BBX: variants seen among roughly 807,000 people sequenced by gnomAD.
BBX encodes the protein HMG box transcription factor BBX.
In BBX, 30 loss-of-function variants were observed where a neutral mutation model predicts 100.2. The ratio of observed to expected loss-of-function variants is 0.30; its 90% CI spans 0.22 to 0.41. The LOEUF is 0.41. Ranked by LOEUF, BBX falls within the 10% of genes least tolerant of loss-of-function variation. The pLI is 1.00. For synonymous variants in BBX, 376 were observed against 388.1 expected (o/e 0.97, Z 0.37); for missense variants, 1,023 against 1,129.8 (o/e 0.91, Z 1.35).
rs144737171 is a variant in BBX, at chr3:107,637,371, C to T, written c.-83-8465C>T. The stretch of plus-strand genomic sequence containing the variant: ...GTTTTACCATACTTTTCCAACTGAA[C>T]GCTTCTGTAGAGGAACACAGGAAGA... On this transcript the variant is annotated intron_variant, in intron 2 of 17. Transcript: ENST00000325805. Among the ~76,000 whole-genome samples the T allele has an allele frequency of 8.6e-3, 1,305 of 152,276 alleles. 25 individuals are homozygous for T. Among genetic ancestry groups the T allele is most frequent in the African/African-American group, 0.03 (1,244 of 41,538 alleles).
At position 107,666,270 on chromosome 3, in the gene BBX, G is replaced by T. The variant is rs550487572; in HGVS notation, c.-10+20361G>T. Among the ~76,000 whole-genome samples, 23 of 152,278 alleles carry T rather than the reference G, an allele frequency of 1.5e-4. No individual in the cohort carries two copies. In the South Asian group the frequency reaches 4.6e-3, roughly 30 times the overall value. ...GCTATGTATTTGTTCTTTAACAAAG[G>T]TCAGGTATAGACTCTTCCTCACCTT... On this transcript the variant is annotated intron_variant, in intron 3 of 17. Coordinates refer to ENST00000325805, the MANE Select transcript of BBX (RefSeq NM_001142568.3).
chr3:107,705,989 C>G (rs1363226629), intron 3 of BBX, among the ~76,000 whole-genome samples: 2 of 149,758 alleles, frequency 1.3e-5, no homozygotes, highest in African/African-American at 4.9e-5. Context: ...GAAGTCTGAC[C>G]TCAGTAAACG....
intron 2 of BBX, among the ~76,000 whole-genome samples, chr3:107,613,767 A>G (rs2055029184): frequency 6.6e-6 from 1 of 152,108 alleles, no homozygotes; most frequent in Non-Finnish European, 1.5e-5. Flanking sequence ...GAGATTGCTT[A>G]TAGACCTATC....
intron 2 of BBX, among the ~76,000 whole-genome samples, chr3:107,565,906 G>C (rs1351986755): frequency 4.6e-5 from 7 of 151,750 alleles, no homozygotes; most frequent in Admixed American, 4.6e-4. Flanking sequence ...GGGCGCCGTG[G>C]CTCACACCTA....
chr3:107,625,752 T>C (rs1484617410), intron 2 of BBX, among the ~76,000 whole-genome samples: 3 of 152,234 alleles, frequency 2.0e-5, no homozygotes, highest in Non-Finnish European at 4.4e-5. Flanking sequence ...CTTCACCATA[T>C]AGGTGCCTTC....
intron 5 of BBX, among the ~76,000 whole-genome samples, chr3:107,724,357 T>C (rs1227137536): frequency 6.6e-6 from 1 of 152,166 alleles, no homozygotes; most frequent in African/African-American, 2.4e-5. Context: ...TTCTGTAGGT[T>C]GCCTGTTCAC....
At chr3:107,679,650 T>C (rs1172992311) in intron 3 of BBX, among the ~76,000 whole-genome samples, 2 of 152,250 alleles carry the variant, frequency 1.3e-5, no homozygotes, top group East Asian at 3.9e-4. Flanking sequence ...CTTACTTGCT[T>C]TAGGATTGTT....
At chr3:107,797,337 AATATAT>A (rs369837058) in intron 15 of BBX, among the ~76,000 whole-genome samples, 2,225 of 39,350 alleles carry the variant, frequency 0.057, 345 homozygotes, top group African/African-American at 0.16. Flanking sequence ...TTTTCTTCCA[AATATAT>A]ATATATATAT....
chr3:107,695,971 T>G (rs367630984), intron 3 of BBX, among the ~76,000 whole-genome samples: 8 of 151,980 alleles, frequency 5.3e-5, no homozygotes, highest in Non-Finnish European at 1.0e-4. Context: ...TGTCTCTTTT[T>G]ATCTTTGTTG....
intron 3 of BBX, among the ~76,000 whole-genome samples, chr3:107,680,287 T>C (rs2059502460): frequency 1.3e-5 from 2 of 152,176 alleles, no homozygotes; most frequent in South Asian, 4.1e-4. Context: ...TACCTAGAGC[T>C]ACTCCTGAGT....
At chr3:107,789,714 T>A in intron 13 of BBX, 73 bp from the exon 14 acceptor site, 4 of 1,098,076 alleles carry the variant, frequency 3.6e-6, no homozygotes, top group Non-Finnish European at 5.1e-6. Context: ...AGGGTGGAAT[T>A]GTTGAGAAAT....
intron 2 of BBX, among the ~76,000 whole-genome samples, chr3:107,613,941 GTTTTTTTT>G (rs533672871): frequency 1.2e-5 from 1 of 86,542 alleles, no homozygotes; most frequent in African/African-American, 4.1e-5. Context: ...ACATACCATG[GTTTTTTTT>G]TTTTTTTTTT....
chr3:107,539,807 T>C (rs772359667), intron 2 of BBX, among the ~76,000 whole-genome samples: 9 of 152,226 alleles, frequency 5.9e-5, no homozygotes, highest in Non-Finnish European at 1.3e-4. Context: ...GTTCATGTTT[T>C]TGGTGTTTGA....
chr3:107,706,429 A>T (rs1048338998), intron 3 of BBX, among the ~76,000 whole-genome samples: 1 of 152,120 alleles, frequency 6.6e-6, no homozygotes. Flanking sequence ...CTGTCCTGCC[A>T]TACACAGAAA....
intron 2 of BBX, among the ~76,000 whole-genome samples, chr3:107,578,423 A>G (rs1264497579): frequency 1.3e-5 from 2 of 152,154 alleles, no homozygotes; most frequent in African/African-American, 4.8e-5. Flanking sequence ...TGAAAGATAG[A>G]GTGAGGTTGA....
chr3:107,626,950 C>A (rs2056224723), intron 2 of BBX, among the ~76,000 whole-genome samples: 1 of 152,244 alleles, frequency 6.6e-6, no homozygotes, highest in South Asian at 2.1e-4. Context: ...CCGCACCTGG[C>A]CTTCCATAGG....
chr3:107,561,602 C>A (rs1200759805), intron 2 of BBX, among the ~76,000 whole-genome samples: 1 of 152,030 alleles, frequency 6.6e-6, no homozygotes, highest in South Asian at 2.1e-4. Context: ...ATAGAAAATA[C>A]GCATATTGCA....
intron 2 of BBX, among the ~76,000 whole-genome samples, chr3:107,554,026 G>A (rs143089268): frequency 6.8e-4 from 104 of 152,068 alleles, no homozygotes; most frequent in Non-Finnish European, 1.3e-3. Flanking sequence ...ACTGAGAGTG[G>A]GATCCAAGAA....
intron 3 of BBX, among the ~76,000 whole-genome samples, chr3:107,655,511 ATTTTTTT>A (rs35368803): frequency 8.5e-6 from 1 of 117,600 alleles, no homozygotes; most frequent in Non-Finnish European, 1.7e-5. Flanking sequence ...ATGATAATTA[ATTTTTTT>A]TTTTTTTTTT....
Sources: allele counts gnomAD v4.1 joint callset (sites outside exome capture counted in the v4.1 genomes callset), GRCh38; gene constraint gnomAD v4.1.1; transcripts MANE v1.5; gene names NCBI Gene and HGNC (gene_info 2026-07-23, HGNC 2026-07-21).